Variants in NR1H4 observed in about 807,000 individuals in gnomAD.
The protein encoded by NR1H4 is bile acid receptor.
In NR1H4, 23 loss-of-function variants were observed where a neutral mutation model predicts 58.5. The observed-to-expected ratio is 0.39, with a 90% CI of 0.28 to 0.56. The LOEUF (loss-of-function observed/expected upper bound fraction) is 0.56. Among genes scored for constraint, NR1H4 ranks in the 20% least tolerant of loss-of-function variants. The probability of loss-of-function intolerance (pLI) is 0.58; values close to 1 mark genes in which losing one functional copy is unlikely to be tolerated. For synonymous variants in NR1H4, 214 were observed against 198.0 expected (o/e 1.08, Z -0.68); for missense variants, 487 against 576.9 (o/e 0.84, Z 1.60).
At chr12:100,496,222 A>G (rs779662631) in intron 3 of NR1H4, among the ~76,000 whole-genome samples, 1 of 111,936 alleles carries the variant, frequency 8.9e-6, no homozygotes, top group Non-Finnish European at 1.6e-5. Flanking sequence ...AAGTAAATCA[A>G]TAAACAAAAT....
chr12:100,487,745 TG>T (rs1371884547), intron 1 of NR1H4, among the ~76,000 whole-genome samples: 1 of 149,934 alleles, frequency 6.7e-6, no homozygotes, highest in Non-Finnish European at 1.5e-5. Context: ...CTGAGTAGCT[TG>T]GATTACAGGC....
chr12:100,533,535 A>G (rs1954743873), intron 5 of NR1H4, among the ~76,000 whole-genome samples: 2 of 152,204 alleles, frequency 1.3e-5, no homozygotes, highest in South Asian at 2.1e-4. Flanking sequence ...AGCTGATCAC[A>G]ATCTCATCTT....
chr12:100,480,846 C>G (rs1391169120), intron 1 of NR1H4, among the ~76,000 whole-genome samples: 2 of 152,200 alleles, frequency 1.3e-5, no homozygotes, highest in Non-Finnish European at 2.9e-5. Context: ...GTGAGTTCAA[C>G]TGGAATGAAA....
At chr12:100,523,267 T>A (rs772890841) in intron 4 of NR1H4, among the ~76,000 whole-genome samples, 1 of 152,188 alleles carries the variant, frequency 6.6e-6, no homozygotes, top group South Asian at 2.1e-4. Flanking sequence ...TAAGGTAGTA[T>A]CTCATTGTCA....
intron 4 of NR1H4, among the ~76,000 whole-genome samples, chr12:100,512,744 TACCA>T (rs1954154805): frequency 6.6e-6 from 1 of 152,164 alleles, no homozygotes; most frequent in African/African-American, 2.4e-5. Context: ...TGGGAACACC[TACCA>T]TGGGTCAGGC....
At chr12:100,548,833 CAG>C (rs1281617889) in intron 9 of NR1H4, among the ~76,000 whole-genome samples, 1 of 152,006 alleles carries the variant, frequency 6.6e-6, no homozygotes, top group African/African-American at 2.4e-5. Flanking sequence ...GCTGCTGTAA[CAG>C]AGACAAAAAA....
At position 100,510,664 on chromosome 12, in the gene NR1H4, G is replaced by C; in HGVS notation, c.80-114G>C. The C allele has an allele frequency of 3.7e-6, 3 of 821,262 alleles. No homozygotes were observed. The South Asian group carries it at 4.4e-5, about 12-fold the overall frequency. 50.9% of individuals were successfully genotyped at this position (821,262 alleles called of 1,614,324 possible). A position where few individuals can be genotyped will look rare whatever the true frequency, so the allele number is the denominator to read the frequency against. ...TAAAGAAGTTGTAAACTTTTATGTA[G>C]TTAAATGTTTCAATCTTTTCTTAGA... is the stretch of plus-strand genomic sequence containing the variant. On this transcript the variant is annotated intron_variant, in intron 3 of 10. Transcript: ENST00000392986.
intron 3 of NR1H4, among the ~76,000 whole-genome samples, chr12:100,501,515 A>C (rs899592226): frequency 2.6e-5 from 4 of 152,122 alleles, no homozygotes; most frequent in Non-Finnish European, 5.9e-5. Flanking sequence ...TTCATTCCTT[A>C]CTAATGGGAT....
intron 9 of NR1H4, among the ~76,000 whole-genome samples, chr12:100,560,557 A>C (rs1156239455): frequency 1.3e-5 from 2 of 152,146 alleles, no homozygotes; most frequent in Non-Finnish European, 1.5e-5. Flanking sequence ...CCATGAACCC[A>C]CCAGAAGGAA....
chr12:100,541,310 T>A (rs914092546), intron 9 of NR1H4, among the ~76,000 whole-genome samples: 27 of 151,872 alleles, frequency 1.8e-4, no homozygotes, highest in African/African-American at 6.0e-4. Context: ...TTAGACACAG[T>A]CTTGCTCTTT....
At chr12:100,534,185 G>A (rs959090821) in intron 5 of NR1H4, among the ~76,000 whole-genome samples, 1 of 152,134 alleles carries the variant, frequency 6.6e-6, no homozygotes, top group East Asian at 1.9e-4. Context: ...GAGCCACCGC[G>A]CCCGGCCTTA....
intron 3 of NR1H4, among the ~76,000 whole-genome samples, chr12:100,507,943 A>G (rs932351350): frequency 3.5e-4 from 54 of 152,306 alleles, no homozygotes; most frequent in African/African-American, 1.3e-3. Context: ...TCTAATGTTC[A>G]TAAACTATTA....
At chr12:100,527,245 C>A (rs1274261942) in intron 4 of NR1H4, among the ~76,000 whole-genome samples, 3 of 152,182 alleles carry the variant, frequency 2.0e-5, no homozygotes, top group African/African-American at 7.2e-5. Flanking sequence ...AGCACAGAGT[C>A]AGGTGGGCAC....
At chr12:100,500,324 C>A (rs192604505) in intron 3 of NR1H4, among the ~76,000 whole-genome samples, 1 of 152,038 alleles carries the variant, frequency 6.6e-6, no homozygotes, top group Non-Finnish European at 1.5e-5. Context: ...TTTTTTCATG[C>A]CTTCATAGCT....
chr12:100,510,391 CAATTTA>C (rs1299686332), intron 3 of NR1H4, among the ~76,000 whole-genome samples: 1 of 151,820 alleles, frequency 6.6e-6, no homozygotes, highest in Admixed American at 6.6e-5. Flanking sequence ...GTTTTAGTTT[CAATTTA>C]AATTTAATTA....
chr12:100,511,131 G>A lies in NR1H4; in HGVS notation c.433G>A (p.Glu145Lys). Residue 145 changes from glutamate to lysine, a missense_variant, in exon 4 of 11, where the codon GAG (glutamate) becomes AAG (lysine). By Grantham distance (56) the Glu-to-Lys change is moderately conservative. Transcript: ENST00000392986. ...ATACCACTATAATGCACTGACCTGT[G>A]AGGGGTGTAAAGGTAAGCATCTTTG... ...SGYHYNALTC[E>K]GCKGFFRRSI... 6.2e-7 allele frequency: 1 copy of A among 1,614,262 alleles called. No individual in the cohort carries two copies. Among genetic ancestry groups the A allele is most frequent in the Non-Finnish European group, 8.5e-7 (1 of 1,180,048 alleles).
At chr12:100,542,748 T>G (rs978384699) in intron 9 of NR1H4, among the ~76,000 whole-genome samples, 1 of 152,218 alleles carries the variant, frequency 6.6e-6, no homozygotes, top group African/African-American at 2.4e-5. Flanking sequence ...AATGGAAAAT[T>G]ATTTTTAAAG....
chr12:100,516,007 C>T (rs542721906), intron 4 of NR1H4, among the ~76,000 whole-genome samples: 13 of 152,304 alleles, frequency 8.5e-5, no homozygotes, highest in South Asian at 6.2e-4. Flanking sequence ...TGTGATTTAA[C>T]CAGCACTACA....
intron 1 of NR1H4, among the ~76,000 whole-genome samples, chr12:100,475,094 A>G (rs1593025908): frequency 6.6e-6 from 1 of 151,298 alleles, no homozygotes; most frequent in East Asian, 1.9e-4. Flanking sequence ...AAGCTTTTAT[A>G]TGTCAGTCAC....
Sources: allele counts gnomAD v4.1 joint callset (sites outside exome capture counted in the v4.1 genomes callset), GRCh38; gene constraint gnomAD v4.1.1; transcripts MANE v1.5; gene names NCBI Gene and HGNC (gene_info 2026-07-23, HGNC 2026-07-21).